CUBN: variants seen among roughly 807,000 people sequenced by gnomAD.
The protein encoded by CUBN is cubilin.
In CUBN, 282 loss-of-function variants were observed where a neutral mutation model predicts 405.3. That is an observed-to-expected ratio of 0.70 (90% confidence interval 0.63 to 0.77). CUBN has a LOEUF of 0.77. Among genes scored for constraint, CUBN ranks in the 30% least tolerant of loss-of-function variants. The probability of loss-of-function intolerance (pLI) is 0.00; values close to 1 mark genes in which losing one functional copy is unlikely to be tolerated. For synonymous variants in CUBN, 1,684 were observed against 1,617.0 expected, an observed-to-expected ratio of 1.04 and a Z score of -0.99; for missense variants, 4,514 against 4,475.2, an observed-to-expected ratio of 1.01 and a Z score of -0.25.
At chr10:17,125,320 T>C (rs1389330460) in intron 4 of CUBN, among the ~76,000 whole-genome samples, 1 of 152,106 alleles carries the variant, frequency 6.6e-6, no homozygotes, top group Admixed American at 6.5e-5. Context: ...TTTCCTTCAT[T>C]TTATGGATGA....
chr10:16,962,536 G>T (rs1283523855), intron 31 of CUBN, among the ~76,000 whole-genome samples: 4 of 152,076 alleles, frequency 2.6e-5, no homozygotes, highest in Non-Finnish European at 4.4e-5. Flanking sequence ...CTCCTCCCTG[G>T]CGTATGGGAT....
chr10:17,114,239 G>C, intron 7 of CUBN, 50 bp from the exon 8 acceptor site: 1 of 1,588,978 alleles, frequency 6.3e-7, no homozygotes, highest in South Asian at 1.1e-5. Flanking sequence ...AAATCAGCAA[G>C]AAAAGCCTTT....
At chr10:16,939,957 T>C in intron 37 of CUBN, 75 bp downstream of exon 37, 4 of 1,211,214 alleles carry the variant, frequency 3.3e-6, no homozygotes, top group African/African-American at 1.5e-5. Context: ...TTGCTTAATA[T>C]ATTACTGAGA....
chr10:16,980,009 A>C (rs1394899266), intron 31 of CUBN, among the ~76,000 whole-genome samples: 1 of 152,188 alleles, frequency 6.6e-6, no homozygotes, highest in South Asian at 2.1e-4. Flanking sequence ...AAAAATAAAC[A>C]ACCTCATCAA....
At chr10:16,842,938 C>G (rs759145908) in intron 60 of CUBN, among the ~76,000 whole-genome samples, 1 of 152,230 alleles carries the variant, frequency 6.6e-6, no homozygotes, top group African/African-American at 2.4e-5. Flanking sequence ...GCTAAGGACT[C>G]CCTGTCATGG....
chr10:16,915,547 G>A (rs1319960984), intron 46 of CUBN, among the ~76,000 whole-genome samples: 1 of 152,142 alleles, frequency 6.6e-6, no homozygotes, highest in African/African-American at 2.4e-5. Flanking sequence ...ATGTGGCAAT[G>A]GGATGTCTCA....
chr10:16,870,567 CT>C (rs1434929886), intron 58 of CUBN, among the ~76,000 whole-genome samples: 1 of 152,186 alleles, frequency 6.6e-6, no homozygotes, highest in Non-Finnish European at 1.5e-5. Flanking sequence ...ATACATATTA[CT>C]TTACGGAAGA....
intron 61 of CUBN, among the ~76,000 whole-genome samples, 159 bp downstream of exon 61, chr10:16,840,726 A>G (rs1013346642): frequency 6.6e-6 from 1 of 152,234 alleles, no homozygotes; most frequent in Non-Finnish European, 1.5e-5. Context: ...ACATACAGTA[A>G]TTAACATGGT....
In CUBN at chr10:16,868,152, G is replaced by A. The variant is rs186685071; in HGVS notation, c.9454+1484C>T. Among the ~76,000 whole-genome samples, 561 of 152,216 alleles carry A rather than the reference G, an allele frequency of 3.7e-3. 3 individuals are homozygous for A. The highest frequency in any genetic ancestry group is 0.013 in the African/African-American group (538 of 41,524). Reference sequence around the variant, plus strand: ...TCTGTTAAGGCAACACTCTCTCACTGCCCGTGAGACTTGCTTTCAAGTTAC... The same window carrying A: ...TCTGTTAAGGCAACACTCTCTCACTACCCGTGAGACTTGCTTTCAAGTTAC... On this transcript the variant is annotated intron_variant, in intron 59 of 66. Transcript: ENST00000377833.
intron 59 of CUBN, among the ~76,000 whole-genome samples, chr10:16,854,932 T>C (rs970213603): frequency 1.2e-4 from 18 of 150,694 alleles, no homozygotes; most frequent in African/African-American, 3.9e-4. Flanking sequence ...CTTCCTTCCT[T>C]CCTCCCTCCC....
intron 31 of CUBN, among the ~76,000 whole-genome samples, chr10:16,972,554 C>T (rs1360229635): frequency 6.6e-6 from 1 of 151,916 alleles, no homozygotes; most frequent in Non-Finnish European, 1.5e-5. Context: ...CCTCCCACCT[C>T]AACCTCCTGA....
In CUBN at chr10:17,094,969, C is replaced by A. The variant is rs192511140; in HGVS notation, c.1765+5036G>T. On this transcript the variant is annotated intron_variant, in intron 14 of 66. Transcript: ENST00000377833. The stretch of plus-strand genomic sequence containing the variant: ...CTGGAGGCATCCTGATTTAAAAATA[C>A]ATTTAAAATAAAAATACACTACTTG... Among the ~76,000 whole-genome samples the A allele has an allele frequency of 2.7e-3, 413 of 151,942 alleles. 5 individuals are homozygous for A. The highest frequency in any genetic ancestry group is 5.6e-3 in the Admixed American group (85 of 15,246).
At chr10:16,974,428 T>C (rs1833029795) in intron 31 of CUBN, among the ~76,000 whole-genome samples, 1 of 151,450 alleles carries the variant, frequency 6.6e-6, no homozygotes, top group Admixed American at 6.6e-5. Flanking sequence ...TACAATTAAC[T>C]CTTTTTTTTT....
intron 59 of CUBN, among the ~76,000 whole-genome samples, chr10:16,863,406 C>A (rs891348674): frequency 6.6e-6 from 1 of 152,112 alleles, no homozygotes; most frequent in Non-Finnish European, 1.5e-5. Context: ...TGCTTTGGAG[C>A]AATACCCTCA....
intron 5 of CUBN, chr10:17,123,337 G>C (rs1015184576): frequency 3.2e-5 from 18 of 558,606 alleles, no homozygotes; most frequent in Non-Finnish European, 5.8e-5. Context: ...AATGTTAACA[G>C]AAATATTGTG....
At chr10:17,075,714 A>G (rs1216269340) in intron 17 of CUBN, among the ~76,000 whole-genome samples, 10 of 152,218 alleles carry the variant, frequency 6.6e-5, no homozygotes, top group Non-Finnish European at 1.0e-4. Flanking sequence ...CCACTGACTC[A>G]GGCTCATACT....
At chr10:16,993,374 T>C (rs529976374) in intron 28 of CUBN, among the ~76,000 whole-genome samples, 8 of 152,354 alleles carry the variant, frequency 5.3e-5, no homozygotes, top group African/African-American at 1.9e-4. Flanking sequence ...ATTTTTCCAT[T>C]GTCTTTTCCA....
At chr10:17,123,510 T>C in intron 5 of CUBN, 78 bp downstream of exon 5, 2 of 1,104,870 alleles carry the variant, frequency 1.8e-6, no homozygotes, top group Non-Finnish European at 2.7e-6. Context: ...AGATGGAGAA[T>C]TAAATATGCC....
At chr10:16,860,215 A>G (rs1283979736) in intron 59 of CUBN, among the ~76,000 whole-genome samples, 1 of 152,190 alleles carries the variant, frequency 6.6e-6, no homozygotes, top group Non-Finnish European at 1.5e-5. Flanking sequence ...TCAGATATAA[A>G]CACATTAAAT....
Sources: allele counts gnomAD v4.1 joint callset (sites outside exome capture counted in the v4.1 genomes callset), GRCh38; gene constraint gnomAD v4.1.1; transcripts MANE v1.5; gene names NCBI Gene and HGNC (gene_info 2026-07-23, HGNC 2026-07-21).